Variants in OSBPL9 observed in about 807,000 individuals in gnomAD.
OSBPL9 encodes the protein oxysterol binding protein like 9, also known as oxysterol-binding protein-related protein 9.
Under a neutral mutation model 106.6 loss-of-function variants are expected in OSBPL9, and 40 were observed. That is an observed-to-expected ratio of 0.38 (90% CI 0.29 to 0.49). The LOEUF is 0.49. Ranked by LOEUF, OSBPL9 falls within the 20% of genes least tolerant of loss-of-function variation. The pLI, the probability that OSBPL9 is intolerant of heterozygous loss-of-function variation, is 0.97. For missense variants in OSBPL9, 609 were observed against 887.2 expected, an observed-to-expected ratio of 0.69 and a Z score of 3.98; for synonymous variants, 269 against 295.4, an observed-to-expected ratio of 0.91 and a Z score of 0.92.
intron 3 of OSBPL9, among the ~76,000 whole-genome samples, chr1:51,697,187 A>G (rs922678307): frequency 2.0e-5 from 3 of 151,936 alleles, no homozygotes; most frequent in Non-Finnish European, 4.4e-5. Context: ...AAAGAAAGAA[A>G]AAAGAAAAAA....
intron 15 of OSBPL9, among the ~76,000 whole-genome samples, chr1:51,777,726 AT>A (rs1675396737): frequency 6.6e-6 from 1 of 152,212 alleles, no homozygotes; most frequent in African/African-American, 2.4e-5. Flanking sequence ...TTAACAGATA[AT>A]TTAAGAAGTA....
At chr1:51,588,290 G>T (rs1645257253) in intron 1 of OSBPL9, among the ~76,000 whole-genome samples, 1 of 152,228 alleles carries the variant, frequency 6.6e-6, no homozygotes, top group African/African-American at 2.4e-5. Flanking sequence ...GCTGAGGCAG[G>T]AGAATTGCTT....
intron 4 of OSBPL9, among the ~76,000 whole-genome samples, chr1:51,734,600 C>T (rs1277940632): frequency 6.6e-6 from 1 of 152,182 alleles, no homozygotes; most frequent in Non-Finnish European, 1.5e-5. Flanking sequence ...ATTGGCATCA[C>T]ACAATCCTAG....
At chr1:51,712,467 G>T (rs1660273834) in intron 3 of OSBPL9, among the ~76,000 whole-genome samples, 1 of 152,260 alleles carries the variant, frequency 6.6e-6, no homozygotes. Flanking sequence ...CTATCTCTTT[G>T]ACTTACTGTC....
At chr1:51,519,242 T>G in the OSBPL9 span, 2 of 1,290,826 alleles carry the variant, frequency 1.5e-6, no homozygotes, top group Non-Finnish European at 2.0e-6. Context: ...GGTGTTTCCA[T>G]CATGCAAGGG....
chr1:51,763,849 T>C (rs1203288649), intron 11 of OSBPL9, among the ~76,000 whole-genome samples: 1 of 152,208 alleles, frequency 6.6e-6, no homozygotes, highest in Admixed American at 6.5e-5. Flanking sequence ...TATTTTTATG[T>C]TGGAATTTTG....
At chr1:51,656,356 T>C (rs764580554) in intron 2 of OSBPL9, among the ~76,000 whole-genome samples, 88 of 152,194 alleles carry the variant, frequency 5.8e-4, no homozygotes, top group Non-Finnish European at 1.1e-3. Context: ...TAATGAGCTA[T>C]CATTGACTGC....
intron 1 of OSBPL9, among the ~76,000 whole-genome samples, chr1:51,636,259 C>T (rs1422991388): frequency 2.1e-5 from 3 of 145,954 alleles, no homozygotes; most frequent in African/African-American, 7.6e-5. Context: ...CTCCTAGGCT[C>T]AAGTAATCCT....
At chr1:51,594,300 G>A (rs1256267267) in intron 1 of OSBPL9, among the ~76,000 whole-genome samples, 1 of 152,074 alleles carries the variant, frequency 6.6e-6, no homozygotes, top group African/African-American at 2.4e-5. Context: ...TACTCAAGAG[G>A]CTGAGGCAGG....
intron 2 of OSBPL9, among the ~76,000 whole-genome samples, chr1:51,610,872 T>C (rs979237896): frequency 6.6e-6 from 1 of 152,116 alleles, no homozygotes; most frequent in Admixed American, 6.6e-5. Flanking sequence ...TATGACTGAG[T>C]CCTCAAAGAA....
In OSBPL9 at chr1:51,729,887, A is replaced by G. The variant is rs1663946243; in HGVS notation, c.319-15649A>G. 1.6e-6 allele frequency: 2 copies of G among 1,261,530 alleles called. No individual in the cohort carries two copies. Among genetic ancestry groups the G allele is most frequent in the Admixed American group, 4.0e-5 (1 of 25,042 alleles). 78.1% of individuals were successfully genotyped at this position (1,261,530 alleles called of 1,614,324 possible). A position where few individuals can be genotyped will look rare whatever the true frequency, so the allele number is the denominator to read the frequency against. Reference sequence around the variant, plus strand: ...GGACCGCCTGCACCGCAGTCCGGGGATCGGGTCGAGGGGAGAAGAAAAAGG... The same window carrying G: ...GGACCGCCTGCACCGCAGTCCGGGGGTCGGGTCGAGGGGAGAAGAAAAAGG... On this transcript the variant is annotated intron_variant, in intron 4 of 23. Coordinates refer to ENST00000428468, the MANE Select transcript of OSBPL9 (RefSeq NM_024586.6). The surrounding 1 kb of genome is among the most constrained non-coding windows in gnomAD (Gnocchi z 5.1).
the OSBPL9 span, among the ~76,000 whole-genome samples, chr1:51,562,901 T>A: frequency 6.6e-6 from 1 of 152,128 alleles, no homozygotes; most frequent in African/African-American, 2.4e-5. Flanking sequence ...AGGTCAGGAG[T>A]TAGCTCTTAA....
the OSBPL9 span, among the ~76,000 whole-genome samples, chr1:51,537,958 G>A: frequency 1.3e-5 from 2 of 152,006 alleles, no homozygotes; most frequent in Admixed American, 1.3e-4. Flanking sequence ...TAAGAACTCT[G>A]GCTCTCAACA....
intron 2 of OSBPL9, among the ~76,000 whole-genome samples, chr1:51,658,517 T>TAA (rs1646952132): frequency 6.6e-6 from 1 of 152,218 alleles, no homozygotes; most frequent in Admixed American, 6.5e-5. Context: ...TGAAAACTAT[T>TAA]AATCTACATG....
chr1:51,718,662 G>A (rs988757467), intron 4 of OSBPL9, among the ~76,000 whole-genome samples: 2 of 152,088 alleles, frequency 1.3e-5, no homozygotes, highest in Middle Eastern at 3.2e-3. Flanking sequence ...CACAATTTTT[G>A]TCTGACTTTA....
chr1:51,640,870 A>C (rs1303802138), intron 1 of OSBPL9, among the ~76,000 whole-genome samples: 1 of 151,300 alleles, frequency 6.6e-6, no homozygotes, highest in Non-Finnish European at 1.5e-5. Flanking sequence ...TGTAACCTCT[A>C]ACTCCTGGGC....
chr1:51,635,526 T>G (rs1175307760), intron 1 of OSBPL9, among the ~76,000 whole-genome samples: 6 of 152,066 alleles, frequency 3.9e-5, no homozygotes, highest in Non-Finnish European at 8.8e-5. Context: ...GCCAAAGAAG[T>G]ATATTTTGGG....
chr1:51,767,621 A>G (rs985451869), intron 12 of OSBPL9, among the ~76,000 whole-genome samples: 2 of 152,144 alleles, frequency 1.3e-5, no homozygotes, highest in East Asian at 1.9e-4. Flanking sequence ...AGCCAGTCCT[A>G]TGTGGTCTAG....
chr1:51,519,467 G>T, the OSBPL9 span: 1 of 170,780 alleles, frequency 5.9e-6, no homozygotes, highest in South Asian at 1.9e-4. Flanking sequence ...CTCGGCCACC[G>T]GACCAGAGCC....
Sources: allele counts gnomAD v4.1 joint callset (sites outside exome capture counted in the v4.1 genomes callset), GRCh38; gene constraint gnomAD v4.1.1; non-coding constraint Gnocchi (gnomAD v3.1); transcripts MANE v1.5; gene names NCBI Gene and HGNC (gene_info 2026-07-23, HGNC 2026-07-21).